Variants in GFRA1 observed in about 807,000 individuals in gnomAD.
The protein encoded by GFRA1 is GDNF family receptor alpha-1.
Under a neutral mutation model 51.6 loss-of-function variants are expected in GFRA1, and 16 were observed. That is an observed-to-expected ratio of 0.31 (90% CI 0.21 to 0.47). The LOEUF (loss-of-function observed/expected upper bound fraction) is 0.47. Among genes scored for constraint, GFRA1 ranks in the 20% least tolerant of loss-of-function variants. The pLI is 1.00. For missense variants in GFRA1, 530 were observed against 594.3 expected, an observed-to-expected ratio of 0.89 and a Z score of 1.13; for synonymous variants, 270 against 241.3, an observed-to-expected ratio of 1.12 and a Z score of -1.10.
chr10:116,089,637 A>G (rs1956243800), intron 9 of GFRA1, 104 bp downstream of exon 9: 2 of 962,690 alleles, frequency 2.1e-6, no homozygotes, highest in Non-Finnish European at 3.4e-6. Flanking sequence ...CCCGAGCAGC[A>G]TTCGTCATCT....
intron 6 of GFRA1, among the ~76,000 whole-genome samples, chr10:116,098,263 C>T (rs1348209492): frequency 6.6e-6 from 1 of 152,244 alleles, no homozygotes; most frequent in South Asian, 2.1e-4. Context: ...TGGCAAAATC[C>T]TGCGAATGTG....
At chr10:116,235,566 G>A (rs1004122704) in intron 4 of GFRA1, among the ~76,000 whole-genome samples, 1 of 152,032 alleles carries the variant, frequency 6.6e-6, no homozygotes, top group Non-Finnish European at 1.5e-5. Flanking sequence ...TGAGACTGTG[G>A]GGGGTGGTCC....
chr10:116,077,306 G>T (rs747360041), intron 9 of GFRA1, among the ~76,000 whole-genome samples: 1 of 152,200 alleles, frequency 6.6e-6, no homozygotes, highest in African/African-American at 2.4e-5. Context: ...GCTTAATTGA[G>T]AGGGCATCTG....
chr10:116,097,148 A>G (rs1486324534), intron 6 of GFRA1, among the ~76,000 whole-genome samples: 1 of 152,174 alleles, frequency 6.6e-6, no homozygotes, highest in African/African-American at 2.4e-5. Flanking sequence ...GGAGATCCAC[A>G]CTGGGAAAAT....
chr10:116,115,937 G>A (rs552456986), intron 6 of GFRA1, among the ~76,000 whole-genome samples: 1 of 152,182 alleles, frequency 6.6e-6, no homozygotes, highest in Admixed American at 6.5e-5. Flanking sequence ...ATCAGCTGAG[G>A]TCTCCCTCAG....
rs1416647949 is a variant in GFRA1, at chr10:116,058,040, G to GTGTGTGTGTGTGTA, written c.*6357_*6358insTACACACACACACA. 1.4e-5 allele frequency: 2 copies of GTGTGTGTGTGTGTA among 141,442 alleles called. No individual in the cohort carries two copies. The highest frequency in any genetic ancestry group is 5.3e-5 in the African/African-American group (2 of 37,538). 8.8% of individuals were successfully genotyped at this position (141,442 alleles called of 1,614,324 possible). On this transcript the variant is annotated 3_prime_UTR_variant, in exon 11 of 11. Coordinates refer to ENST00000355422, the MANE Select transcript of GFRA1 (RefSeq NM_005264.8). ...TGTGTGTGTGTGTGTGTGTGTGTGT[G>GTGTGTGTGTGTGTA]TGACAGAGAGAACCACGCTTTATTG...
At position 116,063,100 on chromosome 10, in the gene GFRA1, C is replaced by G. The variant is rs1031713381; in HGVS notation, c.*1298G>C. The G allele has an allele frequency of 6.6e-6, 1 of 152,210 alleles. No homozygotes were observed. Among genetic ancestry groups the G allele is most frequent in the Non-Finnish European group, 1.5e-5 (1 of 68,056 alleles). 9.4% of individuals were successfully genotyped at this position (152,210 alleles called of 1,614,324 possible). Reference sequence around the variant, plus strand: ...ATCCTTAGGAAAAGAACTGTGCATCCCAGCATGGATGTGTTTCCAAAGAAA... The same window carrying G: ...ATCCTTAGGAAAAGAACTGTGCATCGCAGCATGGATGTGTTTCCAAAGAAA... On this transcript the variant is annotated 3_prime_UTR_variant, in exon 11 of 11. Coordinates refer to ENST00000355422, the MANE Select transcript of GFRA1 (RefSeq NM_005264.8).
chr10:116,260,842 T>C (rs957706903), intron 4 of GFRA1, among the ~76,000 whole-genome samples: 6 of 151,626 alleles, frequency 4.0e-5, no homozygotes, highest in African/African-American at 1.2e-4. Flanking sequence ...ACCCAGCTAG[T>C]TGAGTCTCTA....
At chr10:116,271,798 T>G (rs974644261) in intron 2 of GFRA1, among the ~76,000 whole-genome samples, 192 bp downstream of exon 2, 1 of 152,024 alleles carries the variant, frequency 6.6e-6, no homozygotes, top group African/African-American at 2.4e-5. Flanking sequence ...CCGAAAAGCT[T>G]CAGGCAGCGC....
chr10:116,216,330 C>T (rs1157446395), intron 4 of GFRA1, among the ~76,000 whole-genome samples: 2 of 152,150 alleles, frequency 1.3e-5, no homozygotes, highest in African/African-American at 4.8e-5. Flanking sequence ...CACAGAGCCA[C>T]GCAGGTTAAG....
At chr10:116,129,496 C>G (rs1958016237) in intron 5 of GFRA1, among the ~76,000 whole-genome samples, 1 of 152,036 alleles carries the variant, frequency 6.6e-6, no homozygotes, top group African/African-American at 2.4e-5. Context: ...AAAAGTTCAG[C>G]AAATTAAGAA....
intron 5 of GFRA1, among the ~76,000 whole-genome samples, chr10:116,181,800 T>A (rs1021117656): frequency 1.4e-4 from 21 of 150,736 alleles, no homozygotes; most frequent in Admixed American, 6.6e-4. Context: ...CCCGCTACTA[T>A]GCCCGGCTAA....
rs775489932 is a variant in GFRA1 at position 116,062,118 on chromosome 10, G to T, written c.*2280C>A. The T allele has an allele frequency of 2.6e-4, 103 of 398,558 alleles. No individual in the cohort carries two copies. Among genetic ancestry groups the T allele is most frequent in the Non-Finnish European group, 4.0e-4 (90 of 226,036 alleles). 24.7% of individuals were successfully genotyped at this position (398,558 alleles called of 1,614,324 possible). ...AATGAAGGCTGCCCTTGTTAGCGCT[G>T]AAACTCCCATTTCCGCTTTGGTCAT... is the stretch of plus-strand genomic sequence containing the variant. On this transcript the variant is annotated 3_prime_UTR_variant, in exon 11 of 11. Transcript: ENST00000355422.
At chr10:116,188,622 G>T (rs1281007623) in intron 5 of GFRA1, among the ~76,000 whole-genome samples, 15 of 152,116 alleles carry the variant, frequency 9.9e-5, no homozygotes, top group Non-Finnish European at 1.9e-4. Flanking sequence ...GTCAATGTTG[G>T]GCCGGGCACG....
chr10:116,238,118 A>T (rs1263678571), intron 4 of GFRA1, among the ~76,000 whole-genome samples: 1 of 152,172 alleles, frequency 6.6e-6, no homozygotes, highest in African/African-American at 2.4e-5. Context: ...GTCTTCCAAT[A>T]AATTTAACAC....
At chr10:116,263,650 TA>T (rs1211550458) in intron 4 of GFRA1, among the ~76,000 whole-genome samples, 1 of 152,008 alleles carries the variant, frequency 6.6e-6, no homozygotes, top group African/African-American at 2.4e-5. Flanking sequence ...AGCCAGTTAG[TA>T]AAAGAGTGAA....
intron 5 of GFRA1, among the ~76,000 whole-genome samples, chr10:116,151,684 G>A (rs931145844): frequency 1.2e-4 from 19 of 152,104 alleles, no homozygotes; most frequent in African/African-American, 4.6e-4. Context: ...TTACCAAGGG[G>A]AGGAAGCAGG....
intron 4 of GFRA1, among the ~76,000 whole-genome samples, chr10:116,239,502 T>TA (rs1967176366): frequency 6.6e-6 from 1 of 152,182 alleles, no homozygotes; most frequent in South Asian, 2.1e-4. Context: ...ATTGTTATTC[T>TA]ACCCACAGCA....
At chr10:116,222,414 GTCAGGAACT>G (rs1239037009) in intron 4 of GFRA1, among the ~76,000 whole-genome samples, 3 of 152,074 alleles carry the variant, frequency 2.0e-5, no homozygotes, top group Non-Finnish European at 4.4e-5. Context: ...GGCCAGGCTG[GTCAGGAACT>G]CCTGACCTCA....
Sources: allele counts gnomAD v4.1 joint callset (sites outside exome capture counted in the v4.1 genomes callset), GRCh38; gene constraint gnomAD v4.1.1; transcripts MANE v1.5; gene names NCBI Gene and HGNC (gene_info 2026-07-23, HGNC 2026-07-21).